NID1: variants seen among roughly 807,000 people sequenced by gnomAD.
NID1 encodes nidogen-1.
NID1 carries 76 observed loss-of-function variants against 130.6 expected under a neutral mutation model. The observed-to-expected ratio is 0.58, with a 90% CI of 0.48 to 0.70. NID1 has a LOEUF of 0.70. Ranked by LOEUF, NID1 falls within the 30% of genes least tolerant of loss-of-function variation. NID1 has a pLI of 0.00. For synonymous variants in NID1, 665 were observed against 675.1 expected (o/e 0.98, Z 0.23); for missense variants, 1,517 against 1,664.8 (o/e 0.91, Z 1.54).
At chr1:235,994,302 A>G (rs58605955) in intron 12 of NID1, among the ~76,000 whole-genome samples, 6,270 of 152,162 alleles carry the variant, frequency 0.041, 448 homozygotes, top group African/African-American at 0.14. Flanking sequence ...AGCTGGGATT[A>G]CAGGCACCCG....
At position 235,979,989 on chromosome 1, in the gene NID1, T is replaced by C; in HGVS notation, c.3386-44A>G. On this transcript the variant is annotated intron_variant, in intron 17 of 19. Coordinates refer to ENST00000264187, the MANE Select transcript of NID1 (RefSeq NM_002508.3). This position sits in a 1 kb window ranked among gnomAD's most constrained non-coding sequence, Gnocchi z 4.6. The stretch of plus-strand genomic sequence containing the variant: ...ATTCATTCATTGTTCACACAAGAAA[T>C]GGCCCCTTTGTGCAAAAAAAACAAG... 4 of 1,599,644 alleles carry C rather than the reference T, an allele frequency of 2.5e-6. No individual in the cohort carries two copies. Among genetic ancestry groups the C allele is most frequent in the Non-Finnish European group, 2.6e-6 (3 of 1,173,660 alleles).
chr1:235,979,759 C>A lies in NID1; in HGVS notation c.3509+63G>T. The A allele has an allele frequency of 1.9e-6, 3 of 1,595,078 alleles. No individual in the cohort carries two copies. The highest frequency in any genetic ancestry group is 2.6e-6 in the Non-Finnish European group (3 of 1,166,518). On this transcript the variant is annotated intron_variant, in intron 18 of 19. Coordinates refer to ENST00000264187, the MANE Select transcript of NID1 (RefSeq NM_002508.3). The surrounding 1 kb of genome is among the most constrained non-coding windows in gnomAD (Gnocchi z 4.6). ...AAGAGGCCAGATGGGAAGGGCCTGG[C>A]CTCCCAGAGACAGTGGGTGGAGGGG...
chr1:236,036,772 C>T (rs1659274275), intron 5 of NID1, among the ~76,000 whole-genome samples: 1 of 152,178 alleles, frequency 6.6e-6, no homozygotes, highest in African/African-American at 2.4e-5. Context: ...AGAGACCCGA[C>T]CCAGGATGCT....
chr1:236,010,540 T>C (rs1228201813), intron 12 of NID1, among the ~76,000 whole-genome samples: 2 of 152,124 alleles, frequency 1.3e-5, no homozygotes, highest in Admixed American at 6.5e-5. Context: ...ACTCAAGTAA[T>C]CTGTCCACCT....
chr1:235,996,244 G>A (rs1021632697), intron 12 of NID1, among the ~76,000 whole-genome samples: 2 of 152,150 alleles, frequency 1.3e-5, no homozygotes, highest in African/African-American at 4.8e-5. Context: ...AGCACCTGCT[G>A]TCAGGGAGCT....
chr1:236,045,669 C>T lies in NID1; in HGVS notation c.540G>A (p.Gln180=), dbSNP rs890055633. 1 of 1,611,822 alleles carries T rather than the reference C, an allele frequency of 6.2e-7. No individual in the cohort carries two copies. Among genetic ancestry groups the T allele is most frequent in the African/African-American group, 1.3e-5 (1 of 74,832 alleles). Residue 180 remains glutamine (Q), a synonymous_variant, in exon 3 of 20, where the codon CAG becomes CAA. Coordinates refer to ENST00000264187, the MANE Select transcript of NID1 (RefSeq NM_002508.3). ...TGGAATCAGAGGAGGCTAGAACAGC[C>T]TGGAACGTGTTTCTCTGTGAAGATG... ...PDQKGKRNTF[Q]AVLASSDSSS...
Position 236,021,506 on chromosome 1 carries a change from G to T in NID1, c.2128+2564C>A, listed in dbSNP as rs185530416. 1.9e-4 allele frequency among the ~76,000 whole-genome samples: 29 copies of T among 152,298 alleles called. No individual in the cohort carries two copies. The East Asian group carries it at 5.4e-3, about 28-fold the overall frequency. ...CAACACCGCGAGGCCCTGACAGCAGGATCTTCTAACCTTCATGTTACATCA... is the reference window on the plus strand; with the variant it reads ...CAACACCGCGAGGCCCTGACAGCAGTATCTTCTAACCTTCATGTTACATCA... On this transcript the variant is annotated intron_variant, in intron 9 of 19. Transcript: ENST00000264187.
In NID1 at chr1:236,032,536, G is replaced by A. The variant is rs767968651; in HGVS notation, c.1402C>T (p.Arg468Cys). 2.9e-5 allele frequency: 46 copies of A among 1,613,988 alleles called. No individual in the cohort carries two copies. Among genetic ancestry groups the A allele is most frequent in the Admixed American group, 2.8e-4 (17 of 59,986 alleles). ...ATGGTGCTGATGGCTGTGTAGGAGC[G>A]CCCGTGGTTCATTACTACGTAAGAG... ...LHSYVVMNHG[R>C]SYTAISTIPE... The change falls in exon 6 of 20, where the codon CGC (arginine) becomes TGC (cysteine). Residue 468 changes from arginine (R) to cysteine (C), a missense_variant. Around this residue, in one of 3 missense-constraint regions of NID1, gnomAD observed 1,329 missense variants for 1,429.2 expected, o/e 0.93. Coordinates refer to ENST00000264187, the MANE Select transcript of NID1 (RefSeq NM_002508.3).
intron 1 of NID1, among the ~76,000 whole-genome samples, chr1:236,054,662 GAC>G (rs1267450331): frequency 6.7e-6 from 1 of 150,288 alleles, no homozygotes; most frequent in East Asian, 2.0e-4. Flanking sequence ...TTTTTTTTGA[GAC>G]AGAGTCTCGC....
At chr1:236,008,510 TATTA>T (rs1364844261) in intron 12 of NID1, among the ~76,000 whole-genome samples, 1 of 152,172 alleles carries the variant, frequency 6.6e-6, no homozygotes, top group African/African-American at 2.4e-5. Context: ...TTTATTTATT[TATTA>T]TTTAGAGATG....
chr1:235,985,826 T>C (rs921159290), intron 14 of NID1, among the ~76,000 whole-genome samples: 1 of 151,990 alleles, frequency 6.6e-6, no homozygotes, highest in Non-Finnish European at 1.5e-5. Flanking sequence ...AGTGGCGTGA[T>C]TACTGCTCAC....
At chr1:236,037,874 A>G (rs1659307472) in intron 5 of NID1, among the ~76,000 whole-genome samples, 1 of 152,144 alleles carries the variant, frequency 6.6e-6, no homozygotes, top group Non-Finnish European at 1.5e-5. Flanking sequence ...TGAGATGGAG[A>G]AATAGCACAG....
At chr1:236,035,100 G>A (rs1415869512) in intron 5 of NID1, among the ~76,000 whole-genome samples, 5 of 135,700 alleles carry the variant, frequency 3.7e-5, no homozygotes, top group African/African-American at 5.8e-5. Flanking sequence ...CCACTAACTC[G>A]TCATCTAGCA....
chr1:235,994,497 T>C (rs1416335048), intron 12 of NID1, among the ~76,000 whole-genome samples: 4 of 152,250 alleles, frequency 2.6e-5, no homozygotes, highest in African/African-American at 9.6e-5. Flanking sequence ...TTCTTTCACT[T>C]AGCAGAATGT....
chr1:236,062,075 TA>T (rs1363857948), intron 1 of NID1, among the ~76,000 whole-genome samples: 1 of 152,202 alleles, frequency 6.6e-6, no homozygotes, highest in Non-Finnish European at 1.5e-5. Context: ...CAGTCCTAGG[TA>T]TATACCCAAG....
chr1:236,038,261 A>C lies in NID1; in HGVS notation c.1136-8T>G, dbSNP rs1659320962. 9.9e-6 allele frequency: 16 copies of C among 1,611,600 alleles called. No individual in the cohort carries two copies. Among genetic ancestry groups the C allele is most frequent in the East Asian group, 2.2e-5 (1 of 44,794 alleles). On this transcript the variant is annotated splice_region_variant and splice_polypyrimidine_tract_variant and intron_variant, in intron 4 of 19. Transcript: ENST00000264187. Reference sequence around the variant, plus strand: ...CCGTGTTATAGCTGAAAACTGGTCCAAGAAAACAATTGCACACCTGTAAGC... The same window carrying C: ...CCGTGTTATAGCTGAAAACTGGTCCCAGAAAACAATTGCACACCTGTAAGC...
chr1:236,031,413 C>T (rs1223021916), intron 6 of NID1, among the ~76,000 whole-genome samples: 1 of 152,200 alleles, frequency 6.6e-6, no homozygotes, highest in Non-Finnish European at 1.5e-5. Flanking sequence ...CCACCATGCC[C>T]GGCCTCACTC....
Position 236,065,074 on chromosome 1 carries a change from C to T in NID1, c.6G>A (p.Leu2=). Residue 2 remains leucine, a synonymous_variant, in exon 1 of 20, where the codon TTG becomes TTA. Transcript: ENST00000264187. This position sits in a 1 kb window ranked among gnomAD's most constrained non-coding sequence, Gnocchi z 4.1. M[L]ASSSRIRAAW... ...CAGCCCGGATCCGGCTGCTCGAGGC[C>T]AACATGTTCCCGAACTGCGGTCCCG... 1 of 1,550,028 alleles carries T rather than the reference C, an allele frequency of 6.5e-7. No individual in the cohort carries two copies. The highest frequency in any genetic ancestry group is 8.7e-7 in the Non-Finnish European group (1 of 1,146,792).
At chr1:236,007,377 C>T (rs987494639) in intron 12 of NID1, among the ~76,000 whole-genome samples, 4 of 152,166 alleles carry the variant, frequency 2.6e-5, no homozygotes, top group African/African-American at 9.7e-5. Flanking sequence ...GTTGTCCAGG[C>T]AAGGTCAGGG....
Sources: gnomAD v4.1 joint callset for allele counts (sites outside exome capture counted in the v4.1 genomes callset) on GRCh38, gnomAD v4.1.1 for gene constraint, gnomAD v4.1.1 regional missense constraint, Gnocchi (gnomAD v3.1) non-coding constraint, MANE v1.5 for transcripts, NCBI Gene and HGNC (gene_info 2026-07-23, HGNC 2026-07-21) for gene names.